Variants in FHIT observed in about 807,000 individuals in gnomAD.
FHIT encodes fragile histidine triad diadenosine triphosphatase.
Under a neutral mutation model 17.9 loss-of-function variants are expected in FHIT, and 19 were observed. The observed-to-expected ratio is 1.06, with a 90% CI of 0.74 to 1.56. FHIT has a LOEUF of 1.56. Among genes scored for constraint, FHIT ranks in the 40% most tolerant of loss-of-function variants. The pLI, the probability that FHIT is intolerant of heterozygous loss-of-function variation, is 0.00. For synonymous variants in FHIT, 81 were observed against 69.7 expected (o/e 1.16, Z -0.81); for missense variants, 248 against 189.2 (o/e 1.31, Z -1.82).
At chr3:60,794,726 A>C (rs1318688597) in intron 4 of FHIT, among the ~76,000 whole-genome samples, 1 of 152,216 alleles carries the variant, frequency 6.6e-6, no homozygotes, top group Non-Finnish European at 1.5e-5. Flanking sequence ...TTAAATTTTC[A>C]TAATGAGTCC....
intron 4 of FHIT, among the ~76,000 whole-genome samples, chr3:60,796,508 A>G (rs942178325): frequency 1.3e-5 from 2 of 152,082 alleles, no homozygotes; most frequent in African/African-American, 2.4e-5. Context: ...TTCATTATCA[A>G]TGGTGTCTAG....
At chr3:59,787,933 ATCTTT>A (rs1166728685) in intron 8 of FHIT, among the ~76,000 whole-genome samples, 1 of 152,182 alleles carries the variant, frequency 6.6e-6, no homozygotes, top group Non-Finnish European at 1.5e-5. Flanking sequence ...AAATAAGGGA[ATCTTT>A]TTACCGTAGA....
intron 8 of FHIT, among the ~76,000 whole-genome samples, chr3:59,844,621 T>C (rs968020224): frequency 1.3e-5 from 2 of 152,148 alleles, no homozygotes; most frequent in Non-Finnish European, 2.9e-5. Flanking sequence ...ATGTATTGTA[T>C]TGGTTGATTT....
At chr3:60,583,117 G>A (rs781911765) in intron 4 of FHIT, among the ~76,000 whole-genome samples, 12 of 151,826 alleles carry the variant, frequency 7.9e-5, no homozygotes, top group Admixed American at 4.6e-4. Flanking sequence ...CACAGCATTA[G>A]GTAATGAAAG....
chr3:59,860,153 G>A (rs962744774), intron 8 of FHIT, among the ~76,000 whole-genome samples: 6 of 152,154 alleles, frequency 3.9e-5, no homozygotes, highest in African/African-American at 1.4e-4. Context: ...AAAGTGCTGA[G>A]CTCTGAGAAG....
At chr3:60,753,686 GT>G (rs2042514296) in intron 4 of FHIT, among the ~76,000 whole-genome samples, 1 of 152,122 alleles carries the variant, frequency 6.6e-6, no homozygotes, top group African/African-American at 2.4e-5. Flanking sequence ...AAACTCTGAA[GT>G]ACCTCTTGTG....
At chr3:60,366,924 T>C (rs750638385) in intron 5 of FHIT, among the ~76,000 whole-genome samples, 1 of 152,204 alleles carries the variant, frequency 6.6e-6, no homozygotes, top group Non-Finnish European at 1.5e-5. Flanking sequence ...TTTGTCAACT[T>C]ATATAGGTTG....
chr3:60,321,321 C>CA (rs938776000), intron 5 of FHIT, among the ~76,000 whole-genome samples: 2 of 151,940 alleles, frequency 1.3e-5, no homozygotes, highest in Admixed American at 6.6e-5. Flanking sequence ...CTCTAAAATA[C>CA]AAAAAATAGC....
At chr3:60,767,959 T>C (rs1469784798) in intron 4 of FHIT, among the ~76,000 whole-genome samples, 1 of 152,188 alleles carries the variant, frequency 6.6e-6, no homozygotes, top group Non-Finnish European at 1.5e-5. Flanking sequence ...ACTCTGGCTA[T>C]CCCTGTTTTA....
intron 5 of FHIT, among the ~76,000 whole-genome samples, chr3:60,292,289 G>T (rs193049904): frequency 2.9e-4 from 44 of 152,196 alleles, no homozygotes; most frequent in African/African-American, 1.0e-3. Context: ...GAGACGCTTC[G>T]AAATAGTTGA....
At chr3:60,518,860 T>C (rs1480578302) in intron 5 of FHIT, among the ~76,000 whole-genome samples, 3 of 152,000 alleles carry the variant, frequency 2.0e-5, no homozygotes, top group South Asian at 2.1e-4. Flanking sequence ...AATACAAAAA[T>C]TAGCTGGGCA....
At chr3:60,499,682 CTG>C (rs1180469264) in intron 5 of FHIT, among the ~76,000 whole-genome samples, 4 of 152,120 alleles carry the variant, frequency 2.6e-5, no homozygotes, top group Non-Finnish European at 5.9e-5. Context: ...CCCGGCCTCT[CTG>C]TGTTTTTTTA....
chr3:60,425,171 G>A (rs1198762419), intron 5 of FHIT, among the ~76,000 whole-genome samples: 1 of 152,122 alleles, frequency 6.6e-6, no homozygotes, highest in African/African-American at 2.4e-5. Context: ...TCCTACAGGA[G>A]GGGATGGGAA....
intron 4 of FHIT, among the ~76,000 whole-genome samples, chr3:60,759,696 T>C (rs566135662): frequency 4.5e-4 from 69 of 152,318 alleles, no homozygotes; most frequent in Admixed American, 1.6e-3. Context: ...CTGTATCATG[T>C]ACTGCTGATA....
chr3:60,319,762 A>T lies in FHIT; in HGVS notation c.103+217098T>A, dbSNP rs138249670. ...CTGAGGGGGGCTGTTTCTCCCCAGC[A>T]GTGGTTGCACTGTAATTACCATAGT... is the stretch of plus-strand genomic sequence containing the variant. On this transcript the variant is annotated intron_variant, in intron 5 of 9. Coordinates refer to ENST00000492590, the MANE Select transcript of FHIT (RefSeq NM_002012.4). Among the ~76,000 whole-genome samples, 437 of 152,284 alleles carry T rather than the reference A, an allele frequency of 2.9e-3. 3 individuals carry two copies. The highest frequency in any genetic ancestry group is 0.01 in the African/African-American group (424 of 41,576).
chr3:60,187,867 T>C lies in FHIT; in HGVS notation c.104-173715A>G, dbSNP rs184567872. Among the ~76,000 whole-genome samples the C allele has an allele frequency of 5.3e-5, 8 of 152,294 alleles. No individual in the cohort carries two copies. The East Asian group carries it at 9.6e-4, about 18-fold the overall frequency. Reference sequence around the variant, plus strand: ...CATAGCTGGTAATCACTCCTCTGTTTTATGGTTAAAATTGTGCTTTTAAAA... The same window carrying C: ...CATAGCTGGTAATCACTCCTCTGTTCTATGGTTAAAATTGTGCTTTTAAAA... On this transcript the variant is annotated intron_variant, in intron 5 of 9. Coordinates refer to ENST00000492590, the MANE Select transcript of FHIT (RefSeq NM_002012.4).
At chr3:60,005,346 G>A (rs1365725652) in intron 7 of FHIT, among the ~76,000 whole-genome samples, 1 of 152,146 alleles carries the variant, frequency 6.6e-6, no homozygotes, top group African/African-American at 2.4e-5. Flanking sequence ...GAAAGGGCCT[G>A]AGGGTTTAGT....
At chr3:60,270,358 G>T (rs911337269) in intron 5 of FHIT, among the ~76,000 whole-genome samples, 3 of 152,140 alleles carry the variant, frequency 2.0e-5, no homozygotes, top group Non-Finnish European at 4.4e-5. Context: ...TTTGGTTAAA[G>T]TTACTTTGAG....
At chr3:60,260,530 T>C (rs1201590709) in intron 5 of FHIT, among the ~76,000 whole-genome samples, 1 of 152,070 alleles carries the variant, frequency 6.6e-6, no homozygotes, top group Non-Finnish European at 1.5e-5. Context: ...GTTGGGGCTT[T>C]AGACTTAACA....
Sources: allele counts gnomAD v4.1 joint callset (sites outside exome capture counted in the v4.1 genomes callset), GRCh38; gene constraint gnomAD v4.1.1; transcripts MANE v1.5; gene names NCBI Gene and HGNC (gene_info 2026-07-23, HGNC 2026-07-21).